The following DNAH11 variants were observed in gnomAD, a reference collection of about 807,000 sequenced individuals.
DNAH11 encodes axonemal beta dynein heavy chain 11.
Under a neutral mutation model 526.0 loss-of-function variants are expected in DNAH11, and 442 were observed. That is an observed-to-expected ratio of 0.84 (90% CI 0.78 to 0.91). The LOEUF is 0.91. DNAH11 is among the 40% of genes least tolerant of loss of function. The pLI is 0.00. For missense variants in DNAH11, 6,989 were observed against 5,448.7 expected, an observed-to-expected ratio of 1.28 and a Z score of -8.90; for synonymous variants, 2,461 against 1,935.9, an observed-to-expected ratio of 1.27 and a Z score of -7.12.
intron 65 of DNAH11, among the ~76,000 whole-genome samples, chr7:21,836,517 G>T (rs1487240870): frequency 6.6e-6 from 1 of 152,046 alleles, no homozygotes; most frequent in Admixed American, 6.6e-5. Flanking sequence ...TTCAATAAAT[G>T]GTGCTGGAAA....
intron 5 of DNAH11, among the ~76,000 whole-genome samples, chr7:21,563,672 T>G (rs1221146305): frequency 6.6e-6 from 1 of 152,212 alleles, no homozygotes; most frequent in Non-Finnish European, 1.5e-5. Flanking sequence ...TCACTGTACT[T>G]AACAATTTTA....
At chr7:21,553,299 G>A (rs1783094269) in intron 2 of DNAH11, among the ~76,000 whole-genome samples, 1 of 151,956 alleles carries the variant, frequency 6.6e-6, no homozygotes, top group Non-Finnish European at 1.5e-5. Context: ...CAGGATGTTA[G>A]TTTCTGCTTT....
intron 76 of DNAH11, among the ~76,000 whole-genome samples, chr7:21,891,669 T>C (rs892400377): frequency 6.6e-6 from 1 of 152,156 alleles, no homozygotes. Context: ...CCCAGCCTTA[T>C]TGAAGTAGAT....
At chr7:21,786,475 A>G in intron 58 of DNAH11, 149 bp from the exon 59 acceptor site, 2 of 850,950 alleles carry the variant, frequency 2.4e-6, no homozygotes, top group Non-Finnish European at 3.5e-6. Flanking sequence ...TCCAAGGTGG[A>G]GTCCCCAGGT....
chr7:21,623,447 C>T (rs1786174921), intron 25 of DNAH11, among the ~76,000 whole-genome samples: 1 of 152,180 alleles, frequency 6.6e-6, no homozygotes, highest in Non-Finnish European at 1.5e-5. Context: ...CCGTTTGACC[C>T]AGGCATCCCA....
intron 61 of DNAH11, among the ~76,000 whole-genome samples, chr7:21,796,050 G>A (rs1163990098): frequency 6.6e-6 from 1 of 152,140 alleles, no homozygotes; most frequent in Non-Finnish European, 1.5e-5. Flanking sequence ...TGAAAAGTGA[G>A]GCAGGGACAT....
chr7:21,831,298 C>G (rs546720466), intron 65 of DNAH11, among the ~76,000 whole-genome samples: 4 of 152,172 alleles, frequency 2.6e-5, no homozygotes, highest in Non-Finnish European at 4.4e-5. Flanking sequence ...ATTCTGTTTG[C>G]TTTTCCCACC....
Position 21,601,547 on chromosome 7 carries a change from C to T in DNAH11, c.3577C>T (p.Leu1193=), listed in dbSNP as rs746164181. ...QRATDELFEP[L]KETITLLESY... ...AGCTACTGATGAACTCTTTGAACCT[C>T]TAAAAGAAACGATCACCCTCTTGGA... Residue 1193 remains leucine, a synonymous_variant, in exon 18 of 82, where the codon CTA becomes TTA. Transcript: ENST00000409508. 1.1e-5 allele frequency: 17 copies of T among 1,611,774 alleles called. No individual in the cohort carries two copies. The highest frequency in any genetic ancestry group is 1.3e-5 in the Non-Finnish European group (15 of 1,178,526).
At chr7:21,821,190 G>A (rs1583735616) in intron 65 of DNAH11, among the ~76,000 whole-genome samples, 1 of 152,200 alleles carries the variant, frequency 6.6e-6, no homozygotes, top group Non-Finnish European at 1.5e-5. Context: ...ATAGGAATGA[G>A]AGTAAGTGTA....
intron 55 of DNAH11, among the ~76,000 whole-genome samples, chr7:21,772,813 A>ATT (rs1787494659): frequency 6.6e-6 from 1 of 152,200 alleles, no homozygotes; most frequent in Admixed American, 6.5e-5. Context: ...GTTCAGGAGC[A>ATT]GTTGTTTTTC....
At chr7:21,829,233 C>A (rs527287096) in intron 65 of DNAH11, among the ~76,000 whole-genome samples, 4 of 151,582 alleles carry the variant, frequency 2.6e-5, no homozygotes, top group Admixed American at 2.6e-4. Flanking sequence ...TGTTTCCCCC[C>A]ACCCCCCGCC....
At chr7:21,726,017 C>G in intron 45 of DNAH11, 33 bp downstream of exon 45, 3 of 1,494,632 alleles carry the variant, frequency 2.0e-6, no homozygotes, top group Non-Finnish European at 2.7e-6. Context: ...TTGTATTAGT[C>G]TGTTTTCATA....
chr7:21,558,075 C>T (rs1272880513), intron 2 of DNAH11, among the ~76,000 whole-genome samples: 1 of 152,114 alleles, frequency 6.6e-6, no homozygotes, highest in Admixed American at 6.6e-5. Flanking sequence ...ATTTTCTGAG[C>T]ATTTTGGCTA....
intron 49 of DNAH11, among the ~76,000 whole-genome samples, chr7:21,743,474 A>G (rs1786007300): frequency 6.6e-6 from 1 of 152,198 alleles, no homozygotes; most frequent in South Asian, 2.1e-4. Context: ...CTGTACAGTA[A>G]AAATGGATGG....
chr7:21,680,937 A>G (rs369933119), intron 30 of DNAH11, among the ~76,000 whole-genome samples: 16 of 152,242 alleles, frequency 1.1e-4, no homozygotes, highest in African/African-American at 3.9e-4. Context: ...ATTTGTAGTC[A>G]TTTCCTTTCC....
chr7:21,619,836 C>A (rs879860821), intron 24 of DNAH11, 120 bp from the exon 25 acceptor site: 1 of 933,466 alleles, frequency 1.1e-6, no homozygotes, highest in Non-Finnish European at 1.6e-6. Context: ...AAACTCAAGC[C>A]AATAATACTT....
Position 21,681,613 on chromosome 7 carries a change from T to C in DNAH11, c.5396T>C (p.Ile1799Thr), listed in dbSNP as rs754635719. Residue 1799 changes from isoleucine to threonine, a missense_variant, in exon 31 of 82, where the codon ATC (isoleucine) becomes ACC (threonine). By Grantham distance (89) the Ile-to-Thr change is moderately conservative. Transcript: ENST00000409508. ...GELPPGDRQKIMTICTIDVHA... is the reference protein window; with the variant it reads ...GELPPGDRQKTMTICTIDVHA... The stretch of plus-strand genomic sequence containing the variant: ...CTTCCACCTGGAGACAGACAGAAGA[T>C]CATGACAATTTGTACCATAGATGTC... 1.5e-5 allele frequency: 25 copies of C among 1,613,788 alleles called. No individual in the cohort carries two copies. The highest frequency in any genetic ancestry group is 2.1e-5 in the Non-Finnish European group (25 of 1,179,814).
At chr7:21,566,355 A>G (rs55696093) in intron 6 of DNAH11, among the ~76,000 whole-genome samples, 23,879 of 152,144 alleles carry the variant, frequency 0.16, 2,106 homozygotes, top group East Asian at 0.23. Flanking sequence ...GGCAGATTTC[A>G]GACTTTGTGG....
intron 68 of DNAH11, among the ~76,000 whole-genome samples, chr7:21,856,631 A>G (rs565274725): frequency 1.3e-5 from 2 of 152,356 alleles, no homozygotes; most frequent in South Asian, 4.1e-4. Flanking sequence ...AGCACAATGT[A>G]TCATGACCAA....
Sources: gnomAD v4.1 joint callset for allele counts (sites outside exome capture counted in the v4.1 genomes callset) on GRCh38, gnomAD v4.1.1 for gene constraint, MANE v1.5 for transcripts, NCBI Gene and HGNC (gene_info 2026-07-23, HGNC 2026-07-21) for gene names.